The following AGPS variants were observed in gnomAD, a reference collection of about 807,000 sequenced individuals.
The protein encoded by AGPS is alkylglycerone phosphate synthase.
A neutral mutation model predicts 90.7 loss-of-function variants in AGPS; 26 were observed. The observed-to-expected ratio is 0.29, with a 90% CI of 0.21 to 0.40. The LOEUF (loss-of-function observed/expected upper bound fraction) is 0.40, where lower values mean the gene tolerates loss of function less well. Ranked by LOEUF, AGPS falls within the 10% of genes least tolerant of loss-of-function variation. AGPS has a pLI of 1.00. For synonymous variants in AGPS, 294 were observed against 285.3 expected (o/e 1.03, Z -0.31); for missense variants, 540 against 816.1 (o/e 0.66, Z 4.12).
rs371450224 is a variant in AGPS, at chr2:177,410,424, A to G, written c.261-9845A>G. Among the ~76,000 whole-genome samples, 136 of 152,286 alleles carry G rather than the reference A, an allele frequency of 8.9e-4. 5 individuals carry two copies. The South Asian group carries it at 0.028, about 31-fold the overall frequency. On this transcript the variant is annotated intron_variant, in intron 1 of 19. Transcript: ENST00000264167. ...TTTCTCTCCATATTGCTGCGTGGGC[A>G]TGGAGGACTAGGTAAGCATGCCTAG...
At chr2:177,481,976 G>A in intron 10 of AGPS, 83 bp from the exon 11 acceptor site, 1 of 1,296,576 alleles carries the variant, frequency 7.7e-7, no homozygotes, top group Non-Finnish European at 1.1e-6. Context: ...ATAATAAATT[G>A]AATTAATAGA....
chr2:177,493,129 T>G lies in AGPS; in HGVS notation c.1234-19T>G. ...ACTGTATTAAATTTGTATCACTTTT[T>G]TTTTTCTTTTTAAAACAGAGATGTG... On this transcript the variant is annotated intron_variant, in intron 11 of 19. Transcript: ENST00000264167. The G allele has an allele frequency of 6.2e-7, 1 of 1,605,788 alleles. No individual in the cohort carries two copies. The highest frequency in any genetic ancestry group is 8.5e-7 in the Non-Finnish European group (1 of 1,174,484).
At chr2:177,513,975 G>C in intron 17 of AGPS, 67 bp downstream of exon 17, 1 of 1,209,022 alleles carries the variant, frequency 8.3e-7, no homozygotes, top group Non-Finnish European at 1.2e-6. Context: ...TCAAGGGGGG[G>C]AATATAATTT....
rs1334932053 is a variant in AGPS, at chr2:177,541,308, TA to T, written c.*3114del. ...TTTTTGAAAATGCCTTTCTGCATGT[TA>T]GCACCCAGACTTTCCTTTGTCATAT... On this transcript the variant is annotated 3_prime_UTR_variant, in exon 20 of 20. Coordinates refer to ENST00000264167, the MANE Select transcript of AGPS (RefSeq NM_003659.4). 2 of 152,188 alleles carry T rather than the reference TA, an allele frequency of 1.3e-5. No homozygotes were observed. The highest frequency in any genetic ancestry group is 3.8e-4 in the East Asian group (2 of 5,196). 9.4% of individuals were successfully genotyped at this position (152,188 alleles called of 1,614,324 possible).
At chr2:177,507,869 A>C in intron 15 of AGPS, 101 bp from the exon 16 acceptor site, 2 of 899,458 alleles carry the variant, frequency 2.2e-6, no homozygotes, top group Non-Finnish European at 3.7e-6. Context: ...AAGTTAAATG[A>C]GAAACATGTG....
intron 1 of AGPS, among the ~76,000 whole-genome samples, chr2:177,405,295 G>T (rs567547771): frequency 1.3e-5 from 2 of 152,342 alleles, no homozygotes; most frequent in East Asian, 3.8e-4. Context: ...GGAAGGAAGT[G>T]GTGGTAGTCA....
At chr2:177,496,766 T>C (rs1312045193) in intron 12 of AGPS, among the ~76,000 whole-genome samples, 1 of 152,076 alleles carries the variant, frequency 6.6e-6, no homozygotes, top group African/African-American at 2.4e-5. Context: ...AAACTACCAG[T>C]GATAGTTTTA....
chr2:177,418,219 GA>G (rs1005725919), intron 1 of AGPS, among the ~76,000 whole-genome samples: 2 of 152,078 alleles, frequency 1.3e-5, no homozygotes, highest in African/African-American at 4.8e-5. Flanking sequence ...TACCCAACTT[GA>G]AAATTTAAGG....
intron 8 of AGPS, among the ~76,000 whole-genome samples, chr2:177,457,736 CT>C (rs1488855822): frequency 6.6e-6 from 1 of 152,212 alleles, no homozygotes; most frequent in Non-Finnish European, 1.5e-5. Flanking sequence ...GGATTCACAG[CT>C]GAATTCTACC....
At chr2:177,431,044 A>G (rs1450746548) in intron 2 of AGPS, among the ~76,000 whole-genome samples, 1 of 152,172 alleles carries the variant, frequency 6.6e-6, no homozygotes, top group African/African-American at 2.4e-5. Context: ...GATTGTATAT[A>G]CTTATCAGGG....
At chr2:177,484,761 A>G (rs971757550) in intron 11 of AGPS, among the ~76,000 whole-genome samples, 1 of 151,896 alleles carries the variant, frequency 6.6e-6, no homozygotes, top group Non-Finnish European at 1.5e-5. Context: ...TATGAATGCC[A>G]AATTAGATTT....
intron 11 of AGPS, among the ~76,000 whole-genome samples, chr2:177,489,142 T>C (rs1289868618): frequency 6.7e-6 from 1 of 150,074 alleles, no homozygotes; most frequent in Admixed American, 6.7e-5. Flanking sequence ...TGGAGTGCAG[T>C]GGTGCGATCT....
At chr2:177,433,272 A>T (rs1686294806) in intron 2 of AGPS, among the ~76,000 whole-genome samples, 1 of 152,260 alleles carries the variant, frequency 6.6e-6, no homozygotes. Flanking sequence ...AATGGACAAT[A>T]GTTATAGGAA....
At chr2:177,504,142 C>T (rs1249619864) in intron 14 of AGPS, among the ~76,000 whole-genome samples, 2 of 152,140 alleles carry the variant, frequency 1.3e-5, no homozygotes, top group East Asian at 1.9e-4. Flanking sequence ...CCTTTCCTTC[C>T]ACCACTAGGT....
chr2:177,520,384 G>T (rs1574029503), intron 17 of AGPS, among the ~76,000 whole-genome samples: 1 of 152,176 alleles, frequency 6.6e-6, no homozygotes, highest in East Asian at 1.9e-4. Flanking sequence ...ATTGACTTTA[G>T]TCAGTGTTTG....
At chr2:177,532,021 A>T (rs2079142616) in intron 19 of AGPS, among the ~76,000 whole-genome samples, 1 of 152,120 alleles carries the variant, frequency 6.6e-6, no homozygotes, top group Non-Finnish European at 1.5e-5. Flanking sequence ...AAACTATAAA[A>T]CCTTTAGAAA....
At chr2:177,504,319 TGG>T (rs1164294158) in intron 14 of AGPS, among the ~76,000 whole-genome samples, 1 of 151,670 alleles carries the variant, frequency 6.6e-6, no homozygotes, top group Non-Finnish European at 1.5e-5. Context: ...TTTTGAAACT[TGG>T]AGGCTTTCTA....
chr2:177,526,049 C>G (rs907804760), intron 19 of AGPS, among the ~76,000 whole-genome samples: 13 of 152,174 alleles, frequency 8.5e-5, no homozygotes, highest in African/African-American at 1.4e-4. Flanking sequence ...TTAACCAACT[C>G]TAGTGCAAAT....
intron 8 of AGPS, among the ~76,000 whole-genome samples, chr2:177,446,387 C>T (rs1043252811): frequency 6.6e-6 from 1 of 152,096 alleles, no homozygotes; most frequent in South Asian, 2.1e-4. Context: ...GTGATCCGCC[C>T]GCCTCGGCCT....
Sources: allele counts gnomAD v4.1 joint callset (sites outside exome capture counted in the v4.1 genomes callset), GRCh38; gene constraint gnomAD v4.1.1; transcripts MANE v1.5; gene names NCBI Gene and HGNC (gene_info 2026-07-23, HGNC 2026-07-21).